Variants in GALNT10 observed in about 807,000 individuals in gnomAD.
The protein encoded by GALNT10 is polypeptide N-acetylgalactosaminyltransferase 10.
In GALNT10, 41 loss-of-function variants were observed where a neutral mutation model predicts 75.0. The ratio of observed to expected loss-of-function variants is 0.55; its 90% CI spans 0.43 to 0.71. GALNT10 has a LOEUF of 0.71. Among genes scored for constraint, GALNT10 ranks in the 30% least tolerant of loss-of-function variants. The pLI, the probability that GALNT10 is intolerant of heterozygous loss-of-function variation, is 0.00. For missense variants in GALNT10, 727 were observed against 818.5 expected (o/e 0.89, Z 1.36); for synonymous variants, 302 against 313.0 (o/e 0.96, Z 0.37).
chr5:154,194,944 T>C (rs770541824), intron 1 of GALNT10, among the ~76,000 whole-genome samples: 4 of 152,216 alleles, frequency 2.6e-5, no homozygotes, highest in Non-Finnish European at 5.9e-5. Flanking sequence ...ATAGTGATAG[T>C]ATATTTAAAC....
In GALNT10 at chr5:154,190,972, C is replaced by G. The variant is rs929000327; in HGVS notation, c.106C>G (p.Pro36Ala). ...GLWALYRERQ[P>A]DGTPGGSGAA... ...TTGGGCGCTGTACCGCGAGCGGCAGCCCGACGGCACCCCTGGGGGATCGGG... is the reference window on the plus strand; with the variant it reads ...TTGGGCGCTGTACCGCGAGCGGCAGGCCGACGGCACCCCTGGGGGATCGGG... Residue 36 changes from proline (P) to alanine (A), a missense_variant, in exon 1 of 12, where the codon CCC (proline) becomes GCC (alanine). Transcript: ENST00000297107. 3.3e-6 allele frequency: 5 copies of G among 1,506,472 alleles called. No individual in the cohort carries two copies. Among genetic ancestry groups the G allele is most frequent in the Non-Finnish European group, 3.5e-6 (4 of 1,128,934 alleles). 93.3% of individuals were successfully genotyped at this position (1,506,472 alleles called of 1,614,324 possible). A position where few individuals can be genotyped will look rare whatever the true frequency, so the allele number is the denominator to read the frequency against.
intron 4 of GALNT10, among the ~76,000 whole-genome samples, chr5:154,350,872 A>T (rs1755195895): frequency 6.6e-6 from 1 of 152,216 alleles, no homozygotes. Context: ...GGTGGTTCTT[A>T]AACTTGAGGG....
intron 1 of GALNT10, among the ~76,000 whole-genome samples, chr5:154,203,112 G>C (rs1410564645): frequency 1.3e-5 from 2 of 152,214 alleles, no homozygotes; most frequent in African/African-American, 4.8e-5. Context: ...TTAAGGGCGA[G>C]GGGAAGCCCC....
chr5:154,339,652 G>T (rs1373167165), intron 4 of GALNT10, among the ~76,000 whole-genome samples: 2 of 152,150 alleles, frequency 1.3e-5, no homozygotes, highest in African/African-American at 2.4e-5. Flanking sequence ...TGTTTCTGTA[G>T]TGGAAAATAG....
intron 3 of GALNT10, among the ~76,000 whole-genome samples, chr5:154,329,144 G>A (rs561602400): frequency 3.9e-5 from 6 of 152,210 alleles, no homozygotes; most frequent in South Asian, 2.1e-4. Flanking sequence ...GGTCAAAGAC[G>A]AAATATTAGA....
rs953731782 is a variant in GALNT10 at position 154,415,267 on chromosome 5, T to C, written c.1504-516T>C. ...CCTGACATGATATGATAGCTGAGATTTGCTTCAAAATACTGTGAGGGTAAG... is the reference window on the plus strand; with the variant it reads ...CCTGACATGATATGATAGCTGAGATCTGCTTCAAAATACTGTGAGGGTAAG... On this transcript the variant is annotated intron_variant, in intron 10 of 11. Transcript: ENST00000297107. Among the ~76,000 whole-genome samples the C allele has an allele frequency of 9.2e-5, 14 of 152,198 alleles. 1 individual carries two copies. Among genetic ancestry groups the C allele is most frequent in the Non-Finnish European group, 1.9e-4 (13 of 68,040 alleles).
Position 154,412,758 on chromosome 5 carries a change from A to G in GALNT10, c.1387-131A>G. The G allele has an allele frequency of 1.3e-6, 1 of 741,050 alleles. No homozygotes were observed. Among genetic ancestry groups the G allele is most frequent in the Non-Finnish European group, 2.4e-6 (1 of 410,250 alleles). 45.9% of individuals were successfully genotyped at this position (741,050 alleles called of 1,614,324 possible). A position where few individuals can be genotyped will look rare whatever the true frequency, so the allele number is the denominator to read the frequency against. Reference sequence around the variant, plus strand: ...AAGGTACTTCCAACAGCCCAGGGCAAGCTTTATCAAGACGATTTGAAGGTT... The same window carrying G: ...AAGGTACTTCCAACAGCCCAGGGCAGGCTTTATCAAGACGATTTGAAGGTT... On this transcript the variant is annotated intron_variant, in intron 9 of 11. Transcript: ENST00000297107. The surrounding 1 kb of genome is among the most constrained non-coding windows in gnomAD (Gnocchi z 4.2).
chr5:154,398,128 G>A (rs1165177117), intron 7 of GALNT10, among the ~76,000 whole-genome samples: 1 of 152,254 alleles, frequency 6.6e-6, no homozygotes, highest in Non-Finnish European at 1.5e-5. Flanking sequence ...TCTATGAGAA[G>A]ACTGCCACAG....
chr5:154,280,237 G>T (rs1230519006), intron 1 of GALNT10, among the ~76,000 whole-genome samples: 2 of 152,198 alleles, frequency 1.3e-5, no homozygotes, highest in South Asian at 4.1e-4. Context: ...GAGTAGAATA[G>T]TGGTTACTAG....
chr5:154,307,121 G>A lies in GALNT10; in HGVS notation c.401+9042G>A, dbSNP rs1007325690. ...AAAGGAATATTCTGAACAACTTTGT[G>A]CCAAAACATCTAACAGCTTCGCTGA... is the stretch of plus-strand genomic sequence containing the variant. On this transcript the variant is annotated intron_variant, in intron 3 of 11. Transcript: ENST00000297107. 2.0e-5 allele frequency among the ~76,000 whole-genome samples: 3 copies of A among 152,310 alleles called. No individual in the cohort carries two copies. The East Asian group carries it at 5.8e-4, about 29-fold the overall frequency.
chr5:154,362,632 G>A (rs1191460231), intron 4 of GALNT10, among the ~76,000 whole-genome samples: 2 of 152,200 alleles, frequency 1.3e-5, no homozygotes, highest in Non-Finnish European at 2.9e-5. Flanking sequence ...TCTTGGAACT[G>A]TGAAATGATA....
intron 1 of GALNT10, among the ~76,000 whole-genome samples, chr5:154,281,462 GTT>G (rs923622706): frequency 1.2e-4 from 19 of 152,210 alleles, no homozygotes; most frequent in African/African-American, 4.3e-4. Context: ...CTTAGCATTT[GTT>G]TTATAGATAA....
chr5:154,408,547 C>T (rs1317043458), intron 8 of GALNT10, among the ~76,000 whole-genome samples: 1 of 152,008 alleles, frequency 6.6e-6, no homozygotes, highest in Non-Finnish European at 1.5e-5. Flanking sequence ...GAATTTTCAT[C>T]ACATACATAA....
chr5:154,326,587 T>C (rs1754760276), intron 3 of GALNT10, among the ~76,000 whole-genome samples: 1 of 152,238 alleles, frequency 6.6e-6, no homozygotes, highest in Non-Finnish European at 1.5e-5. Context: ...GAAGCATTGA[T>C]GCATGCTACA....
chr5:154,377,470 T>C (rs1266928459), intron 5 of GALNT10, among the ~76,000 whole-genome samples: 1 of 152,210 alleles, frequency 6.6e-6, no homozygotes, highest in Non-Finnish European at 1.5e-5. Flanking sequence ...CCTGAAAGAC[T>C]GTGAAAACAC....
chr5:154,250,123 A>G (rs1458888539), intron 1 of GALNT10, among the ~76,000 whole-genome samples: 2 of 152,128 alleles, frequency 1.3e-5, no homozygotes, highest in Non-Finnish European at 2.9e-5. Flanking sequence ...GACACCAGCT[A>G]GACTTGTGCG....
intron 1 of GALNT10, among the ~76,000 whole-genome samples, chr5:154,222,329 C>T (rs1361342601): frequency 6.6e-6 from 1 of 151,820 alleles, no homozygotes; most frequent in African/African-American, 2.4e-5. Flanking sequence ...AGTAGTAGAC[C>T]ATTACATGGA....
chr5:154,217,880 A>G (rs1427262106), intron 1 of GALNT10: 1 of 378,674 alleles, frequency 2.6e-6, no homozygotes, highest in Non-Finnish European at 3.6e-6. Flanking sequence ...ATAGCTATTA[A>G]TTTTTTGGTG....
intron 1 of GALNT10, among the ~76,000 whole-genome samples, chr5:154,277,984 CA>C (rs5872368): frequency 0.2 from 30,121 of 151,880 alleles, 3,341 homozygotes; most frequent in African/African-American, 0.28. Context: ...AACCTAAGGC[CA>C]AAAAAATAGT....
Sources: allele counts gnomAD v4.1 joint callset (sites outside exome capture counted in the v4.1 genomes callset), GRCh38; gene constraint gnomAD v4.1.1; non-coding constraint Gnocchi (gnomAD v3.1); transcripts MANE v1.5; gene names NCBI Gene and HGNC (gene_info 2026-07-23, HGNC 2026-07-21).